ATP6V1C2: variants seen among roughly 807,000 people sequenced by gnomAD.
The protein encoded by ATP6V1C2 is ATPase H+ transporting V1 subunit C2.
Under a neutral mutation model 56.8 loss-of-function variants are expected in ATP6V1C2, and 45 were observed. The observed-to-expected ratio is 0.79, with a 90% CI of 0.62 to 1.02. ATP6V1C2 has a LOEUF of 1.02. Among genes scored for constraint, ATP6V1C2 ranks in the 50% least tolerant of loss-of-function variants. The probability of loss-of-function intolerance (pLI) is 0.00; values close to 1 mark genes in which losing one functional copy is unlikely to be tolerated. For synonymous variants in ATP6V1C2, 220 were observed against 201.3 expected (o/e 1.09, Z -0.79); for missense variants, 463 against 519.7 (o/e 0.89, Z 1.06).
intron 10 of ATP6V1C2, 57 bp from the exon 11 acceptor site, chr2:10,777,524 GATTT>G (rs1280231958): frequency 2.9e-5 from 46 of 1,583,418 alleles, no homozygotes; most frequent in Admixed American, 9.0e-5. Context: ...CGATGAGAAT[GATTT>G]ATTTGTTTGT....
rs758640245 is a variant in ATP6V1C2, at chr2:10,723,013, A to G, written c.129+35A>G. ...TTGGGGAGGAGTGAAAAAGGGATGGATTGGTCAGGGGGAGACAGGAGAGGG... is the reference window on the plus strand; with the variant it reads ...TTGGGGAGGAGTGAAAAAGGGATGGGTTGGTCAGGGGGAGACAGGAGAGGG... On this transcript the variant is annotated intron_variant, in intron 2 of 13. Coordinates refer to ENST00000272238, the MANE Select transcript of ATP6V1C2 (RefSeq NM_001039362.2). 5 of 1,612,666 alleles carry G rather than the reference A, an allele frequency of 3.1e-6. No individual in the cohort carries two copies. In the Admixed American group the frequency reaches 8.3e-5, roughly 27 times the overall value.
In ATP6V1C2 at chr2:10,784,038, G is replaced by A. The variant is rs1398802714; in HGVS notation, c.*775G>A. 5.2e-6 allele frequency: 2 copies of A among 385,728 alleles called. No homozygotes were observed. The highest frequency in any genetic ancestry group is 9.2e-6 in the Non-Finnish European group (2 of 216,668). The allele number at this position is 385,728 out of a possible 1,614,324, so 23.9% of individuals were successfully genotyped here. ...TTCAAAATATTATGTGACAGAATAC[G>A]ACTCAATTCACCGGCTACAACAATT... On this transcript the variant is annotated 3_prime_UTR_variant, in exon 14 of 14. Coordinates refer to ENST00000272238, the MANE Select transcript of ATP6V1C2 (RefSeq NM_001039362.2).
intron 3 of ATP6V1C2, among the ~76,000 whole-genome samples, chr2:10,748,271 C>T (rs999869793): frequency 1.3e-5 from 2 of 152,116 alleles, no homozygotes; most frequent in Non-Finnish European, 2.9e-5. Context: ...AATTTGAACT[C>T]GTGCTGCTTC....
chr2:10,776,255 G>A (rs1572615342), intron 10 of ATP6V1C2, among the ~76,000 whole-genome samples: 1 of 133,112 alleles, frequency 7.5e-6, no homozygotes, highest in Non-Finnish European at 1.6e-5. Context: ...ATAGCACAGG[G>A]CGCTCACACA....
intron 13 of ATP6V1C2, 101 bp downstream of exon 13, chr2:10,782,476 G>C (rs1036462322): frequency 2.9e-6 from 4 of 1,359,964 alleles, no homozygotes; most frequent in Non-Finnish European, 4.0e-6. Context: ...GAGGTAGGTG[G>C]ATCACTTGAG....
chr2:10,777,348 G>A (rs1464078883), intron 10 of ATP6V1C2, among the ~76,000 whole-genome samples: 1 of 152,122 alleles, frequency 6.6e-6, no homozygotes. Flanking sequence ...GCCAGAGATC[G>A]GCTCTGTGCT....
At chr2:10,779,451 A>G (rs557114445) in intron 12 of ATP6V1C2, among the ~76,000 whole-genome samples, 5 of 146,408 alleles carry the variant, frequency 3.4e-5, no homozygotes, top group Admixed American at 6.8e-5. Context: ...ATGTATGTAT[A>G]TATATATATA....
chr2:10,734,589 A>G (rs1380634138), intron 3 of ATP6V1C2, among the ~76,000 whole-genome samples: 4 of 152,174 alleles, frequency 2.6e-5, no homozygotes, highest in Non-Finnish European at 4.4e-5. Context: ...ATGAGGAAAC[A>G]GGCCCAGAGA....
rs146246212 is a variant in ATP6V1C2, at chr2:10,721,950, T to C, written c.-27+219T>C. On this transcript the variant is annotated intron_variant, in intron 1 of 13. Transcript: ENST00000272238. ...GCAGTCAAGGCGGAAAGGAGCTGCG[T>C]TGGGTCTGCGCGGGGTTAGGAGAGA... Among the ~76,000 whole-genome samples, 100 of 152,266 alleles carry C rather than the reference T, an allele frequency of 6.6e-4. 4 individuals carry two copies. The East Asian group carries it at 0.012, about 19-fold the overall frequency.
intron 5 of ATP6V1C2, among the ~76,000 whole-genome samples, chr2:10,767,465 T>C (rs1424152497): frequency 6.6e-6 from 1 of 151,646 alleles, no homozygotes; most frequent in Non-Finnish European, 1.5e-5. Context: ...CATTTTATTA[T>C]ATATTTTTTT....
At chr2:10,731,777 C>T (rs1208332299) in intron 3 of ATP6V1C2, among the ~76,000 whole-genome samples, 1 of 151,930 alleles carries the variant, frequency 6.6e-6, no homozygotes, top group African/African-American at 2.4e-5. Context: ...AGTTCAAGAC[C>T]ATCCTGGGTG....
intron 3 of ATP6V1C2, among the ~76,000 whole-genome samples, chr2:10,740,751 G>A (rs10190439): frequency 1 from 151,760 of 152,340 alleles, 75,596 homozygotes; most frequent in Middle Eastern, 1. Context: ...CAGTGGCGCT[G>A]TGTCAGCTCA....
chr2:10,760,034 T>TTG (rs1553330417), intron 4 of ATP6V1C2, among the ~76,000 whole-genome samples: 1 of 150,936 alleles, frequency 6.6e-6, no homozygotes, highest in Non-Finnish European at 1.5e-5. Context: ...TTTTTTGTTT[T>TTG]TTTTTTTTTT....
intron 3 of ATP6V1C2, among the ~76,000 whole-genome samples, chr2:10,734,188 G>C (rs941151364): frequency 6.6e-6 from 1 of 152,056 alleles, no homozygotes; most frequent in East Asian, 1.9e-4. Context: ...TGTCTGCTGG[G>C]CTCCCACTTT....
intron 3 of ATP6V1C2, among the ~76,000 whole-genome samples, chr2:10,728,745 G>A (rs1300665484): frequency 6.7e-6 from 1 of 148,378 alleles, no homozygotes; most frequent in African/African-American, 2.5e-5. Flanking sequence ...ACGGCACTCC[G>A]GCCTGGGCGA....
chr2:10,776,285 G>T (rs955331698), intron 10 of ATP6V1C2, among the ~76,000 whole-genome samples: 7 of 143,266 alleles, frequency 4.9e-5, no homozygotes, highest in African/African-American at 1.8e-4. Context: ...GTGTGTGCGC[G>T]CGCACGTGCA....
intron 3 of ATP6V1C2, among the ~76,000 whole-genome samples, chr2:10,739,185 A>T (rs999338944): frequency 6.6e-6 from 1 of 152,168 alleles, no homozygotes; most frequent in Non-Finnish European, 1.5e-5. Context: ...CGGGAGGCTG[A>T]GGCAGGAGAA....
intron 3 of ATP6V1C2, among the ~76,000 whole-genome samples, chr2:10,745,202 AT>A (rs1427774462): frequency 4.9e-5 from 7 of 144,030 alleles, no homozygotes; most frequent in Non-Finnish European, 1.1e-4. Context: ...CACCCAGCTA[AT>A]TTTTTTGTAT....
At chr2:10,723,576 C>A (rs1208250840) in intron 2 of ATP6V1C2, among the ~76,000 whole-genome samples, 1 of 151,896 alleles carries the variant, frequency 6.6e-6, no homozygotes, top group Non-Finnish European at 1.5e-5. Context: ...CGGTGGCTCA[C>A]GCCTGTAATC....
Sources: gnomAD v4.1 joint callset for allele counts (sites outside exome capture counted in the v4.1 genomes callset) on GRCh38, gnomAD v4.1.1 for gene constraint, MANE v1.5 for transcripts, NCBI Gene and HGNC (gene_info 2026-07-23, HGNC 2026-07-21) for gene names.